Variants in EXTL3 observed in about 807,000 individuals in gnomAD.
EXTL3 encodes exostosin like glycosyltransferase 3, also known as exostosin-like 3.
Under a neutral mutation model 69.3 loss-of-function variants are expected in EXTL3, and 27 were observed. That is an observed-to-expected ratio of 0.39 (90% CI 0.29 to 0.54). The LOEUF (loss-of-function observed/expected upper bound fraction) is 0.54. Ranked by LOEUF, EXTL3 falls within the 20% of genes least tolerant of loss-of-function variation. EXTL3 has a pLI of 0.69. For missense variants in EXTL3, 1,003 were observed against 1,231.8 expected (o/e 0.81, Z 2.78); for synonymous variants, 511 against 499.4 (o/e 1.02, Z -0.31).
chr8:28,733,153 C>T (rs570284861), intron 4 of EXTL3, among the ~76,000 whole-genome samples: 1 of 152,132 alleles, frequency 6.6e-6, no homozygotes, highest in South Asian at 2.1e-4. Context: ...TGTCATTCCT[C>T]TTGAGTGGAT....
At chr8:28,633,315 G>A (rs867235603) in intron 1 of EXTL3, among the ~76,000 whole-genome samples, 5 of 152,016 alleles carry the variant, frequency 3.3e-5, no homozygotes, top group African/African-American at 1.2e-4. Context: ...TCCAGCCTAG[G>A]CATCAGAATG....
chr8:28,718,974 A>G (rs1454314811), intron 3 of EXTL3, among the ~76,000 whole-genome samples: 3 of 152,216 alleles, frequency 2.0e-5, no homozygotes, highest in Non-Finnish European at 4.4e-5. Context: ...TAAACTTGGC[A>G]TTCTAGGAGA....
chr8:28,713,144 G>A (rs1009527332), intron 1 of EXTL3, among the ~76,000 whole-genome samples: 2 of 152,166 alleles, frequency 1.3e-5, no homozygotes, highest in Non-Finnish European at 2.9e-5. Context: ...CAACAAGTAA[G>A]GACTTTTCCA....
rs71222571 is a variant in EXTL3, at chr8:28,691,572, A to ATTTTTTTT, written c.-52-21880_-52-21873dup. ...TGGTAAATATTTATCAGTTTTTGTG[A>ATTTTTTTT]TTTTTTTTTTTTGCTATTGTGTTCC... On this transcript the variant is annotated intron_variant, in intron 1 of 6. Coordinates refer to the EXTL3 transcript ENST00000523149. Among the ~76,000 whole-genome samples, 52 of 135,488 alleles carry ATTTTTTTT rather than the reference A, an allele frequency of 3.8e-4. 4 individuals are homozygous for ATTTTTTTT. The highest frequency in any genetic ancestry group is 1.2e-3 in the African/African-American group (37 of 31,024). The allele number at this position is 135,488 out of a possible 152,430, so 88.9% of individuals were successfully genotyped here.
intron 1 of EXTL3, among the ~76,000 whole-genome samples, chr8:28,638,590 T>C (rs1338440200): frequency 6.6e-6 from 1 of 152,164 alleles, no homozygotes; most frequent in Non-Finnish European, 1.5e-5. Context: ...CACAAGACAA[T>C]CTTCTACTCA....
At chr8:28,636,331 CA>C (rs377313297) in intron 1 of EXTL3, among the ~76,000 whole-genome samples, 123 of 115,928 alleles carry the variant, frequency 1.1e-3, no homozygotes, top group South Asian at 3.0e-3. Flanking sequence ...GACTCCATCT[CA>C]AAAAAAAAAA....
intron 2 of EXTL3, among the ~76,000 whole-genome samples, chr8:28,613,847 A>ATTT (rs35761066): frequency 1.6e-4 from 23 of 146,652 alleles, no homozygotes; most frequent in Non-Finnish European, 1.2e-4. Context: ...TCACAGGTGT[A>ATTT]TTTTTTTTTT....
At chr8:28,697,212 G>A (rs1585256289), upstream of EXTL3, 1 of 151,984 alleles carries the variant, frequency 6.6e-6, no homozygotes, top group Admixed American at 6.6e-5. Context: ...TTGAATGAAT[G>A]AATAAACAAA....
chr8:28,738,759 T>C lies in EXTL3; in HGVS notation c.2421+1096T>C, dbSNP rs118030969. 4.6e-5 allele frequency among the ~76,000 whole-genome samples: 7 copies of C among 152,164 alleles called. No homozygotes were observed. The East Asian group carries it at 1.4e-3, about 29-fold the overall frequency. ...TGGCACAGGGCAGGTGTAGGGAACA[T>C]TTTCATTGCTTACCAATGACACTTC... On this transcript the variant is annotated intron_variant, in intron 5 of 6. Transcript: ENST00000220562.
At chr8:28,637,585 C>T (rs906489740) in intron 1 of EXTL3, among the ~76,000 whole-genome samples, 1 of 151,974 alleles carries the variant, frequency 6.6e-6, no homozygotes, top group African/African-American at 2.4e-5. Context: ...ATCACTTGAG[C>T]CCAGGAGTTT....
chr8:28,672,938 T>C (rs1807320907), intron 1 of EXTL3, among the ~76,000 whole-genome samples: 1 of 152,122 alleles, frequency 6.6e-6, no homozygotes, highest in South Asian at 2.1e-4. Flanking sequence ...GATAGAGAGA[T>C]CTGATGGTTT....
chr8:28,620,746 C>T (rs1401061778), upstream of EXTL3, among the ~76,000 whole-genome samples: 4 of 152,146 alleles, frequency 2.6e-5, no homozygotes, highest in Admixed American at 2.6e-4. Context: ...GATAGGGTCT[C>T]ACTCTATCAC....
At chr8:28,656,282 C>T (rs1807009984) in intron 1 of EXTL3, among the ~76,000 whole-genome samples, 1 of 151,422 alleles carries the variant, frequency 6.6e-6, no homozygotes. Context: ...AAGTGATTCT[C>T]CTGCCTCAGC....
chr8:28,644,116 G>T (rs1478918378), intron 1 of EXTL3, among the ~76,000 whole-genome samples: 1 of 151,412 alleles, frequency 6.6e-6, no homozygotes, highest in African/African-American at 2.4e-5. Context: ...TTTTTAGCTT[G>T]ACTTTTAGAT....
At chr8:28,749,015 G>T (rs1422768064) in intron 6 of EXTL3, among the ~76,000 whole-genome samples, 6 of 152,108 alleles carry the variant, frequency 3.9e-5, no homozygotes, top group Non-Finnish European at 7.4e-5. Flanking sequence ...CCAAAAATCT[G>T]TTATAAGGAG....
chr8:28,728,374 G>A (rs1017771491), intron 3 of EXTL3, among the ~76,000 whole-genome samples: 6 of 152,156 alleles, frequency 3.9e-5, no homozygotes, highest in Non-Finnish European at 7.3e-5. Flanking sequence ...GGCCTCACTC[G>A]GTCCTTCGTT....
chr8:28,716,069 T>C lies in EXTL3; in HGVS notation c.10T>C (p.Tyr4His). 6.2e-7 allele frequency: 1 copy of C among 1,607,432 alleles called. No homozygotes were observed. The highest frequency in any genetic ancestry group is 8.5e-7 in the Non-Finnish European group (1 of 1,179,758). The change falls in exon 3 of 7, where the codon TAT becomes CAT. Residue 4 changes from tyrosine to histidine, a missense_variant. This residue lies in a region of EXTL3 where 742 missense variants were observed against 815.4 expected (regional missense o/e 0.91). Coordinates refer to ENST00000220562, the MANE Select transcript of EXTL3 (RefSeq NM_001440.4). This position sits in a 1 kb window ranked among gnomAD's most constrained non-coding sequence, Gnocchi z 7.1. ...AGGCTGCAGAGGACTCATGACAGGC[T>C]ATACCATGCTGCGGAATGGGGGCGC... Reference protein sequence around the residue: MTGYTMLRNGGAGN... With the variant: MTGHTMLRNGGAGN...
Position 28,718,078 on chromosome 8 carries a change from G to T in EXTL3, c.2019G>T (p.Glu673Asp), listed in dbSNP as rs143717955. 6.2e-7 allele frequency: 1 copy of T among 1,614,030 alleles called. No homozygotes were observed. Among genetic ancestry groups the T allele is most frequent in the Non-Finnish European group, 8.5e-7 (1 of 1,180,004 alleles). Residue 673 changes from glutamate to aspartate, a missense_variant, in exon 3 of 7, where the codon GAG (glutamate) becomes GAT (aspartate). Coordinates refer to ENST00000220562, the MANE Select transcript of EXTL3 (RefSeq NM_001440.4). ...TGGTGATGTTGACTTATGAGCGGGAGGAAGTGCTTATGAACTCTTTAGAGA... is the reference window on the plus strand; with the variant it reads ...TGGTGATGTTGACTTATGAGCGGGATGAAGTGCTTATGAACTCTTTAGAGA... Reference protein sequence around the residue: ...FTVVMLTYEREEVLMNSLERL... With the variant: ...FTVVMLTYERDEVLMNSLERL...
At chr8:28,710,613 C>CT (rs11446791) in intron 1 of EXTL3, 54,774 of 270,964 alleles carry the variant, frequency 0.2, 3,912 homozygotes, top group East Asian at 0.26. Flanking sequence ...TTCTTTCTTT[C>CT]TTTTTTTTTT....
Sources: allele counts gnomAD v4.1 joint callset (sites outside exome capture counted in the v4.1 genomes callset), GRCh38; gene constraint gnomAD v4.1.1; regional missense constraint gnomAD v4.1.1; non-coding constraint Gnocchi (gnomAD v3.1); transcripts MANE v1.5; gene names NCBI Gene and HGNC (gene_info 2026-07-23, HGNC 2026-07-21).